Variants in DKK2 observed in about 807,000 individuals in gnomAD.
DKK2 encodes dickkopf Wnt signaling pathway inhibitor 2.
In DKK2, 11 loss-of-function variants were observed where a neutral mutation model predicts 28.1. The observed-to-expected ratio is 0.39, with a 90% CI of 0.25 to 0.65. DKK2 has a LOEUF of 0.65. Among genes scored for constraint, DKK2 ranks in the 30% least tolerant of loss-of-function variants. DKK2 has a pLI of 0.47. For synonymous variants in DKK2, 135 were observed against 126.5 expected (o/e 1.07, Z -0.45); for missense variants, 326 against 335.5 (o/e 0.97, Z 0.22).
At chr4:106,984,215 CTT>C (rs1723084023) in intron 1 of DKK2, among the ~76,000 whole-genome samples, 1 of 152,152 alleles carries the variant, frequency 6.6e-6, no homozygotes, top group African/African-American at 2.4e-5. Context: ...AATGTATCAT[CTT>C]AACCATTTTT....
At chr4:106,969,961 T>G (rs1018285663) in intron 1 of DKK2, among the ~76,000 whole-genome samples, 22 of 152,074 alleles carry the variant, frequency 1.4e-4, no homozygotes, top group African/African-American at 5.1e-4. Context: ...ATATACAGTT[T>G]CAGGGATATT....
At position 106,955,639 on chromosome 4, in the gene DKK2, A is replaced by G. The variant is rs578137385; in HGVS notation, c.223-29690T>C. On this transcript the variant is annotated intron_variant, in intron 1 of 3. Coordinates refer to ENST00000285311, the MANE Select transcript of DKK2 (RefSeq NM_014421.3). ...TTTTCTAGTAAGGATCAACAAATACATGATAGGTCATGGAAACCTTTGGCA... is the reference window on the plus strand; with the variant it reads ...TTTTCTAGTAAGGATCAACAAATACGTGATAGGTCATGGAAACCTTTGGCA... Among the ~76,000 whole-genome samples the G allele has an allele frequency of 6.6e-5, 10 of 152,330 alleles. No individual in the cohort carries two copies. The East Asian group carries it at 1.5e-3, about 23-fold the overall frequency.
chr4:106,940,842 A>C (rs182568517), intron 1 of DKK2, among the ~76,000 whole-genome samples: 9 of 152,328 alleles, frequency 5.9e-5, no homozygotes, highest in African/African-American at 2.2e-4. Flanking sequence ...CATCATTGTC[A>C]GTAAACTATC....
intron 1 of DKK2, among the ~76,000 whole-genome samples, chr4:106,957,427 C>T (rs573924875): frequency 5.4e-4 from 82 of 152,188 alleles, no homozygotes; most frequent in African/African-American, 1.8e-3. Flanking sequence ...GATTATAAAT[C>T]ATGCTGCTGT....
chr4:107,013,006 C>A (rs1723537467), intron 1 of DKK2, among the ~76,000 whole-genome samples: 1 of 150,964 alleles, frequency 6.6e-6, no homozygotes, highest in South Asian at 2.1e-4. Flanking sequence ...AGTGAACCCA[C>A]CATCCAACCC....
At chr4:107,034,280 T>A (rs1365327399) in intron 1 of DKK2, among the ~76,000 whole-genome samples, 1 of 151,678 alleles carries the variant, frequency 6.6e-6, no homozygotes, top group East Asian at 2.0e-4. Context: ...GAAACTCGGA[T>A]CTCTGGGGCG....
chr4:106,982,458 A>C (rs1423478370), intron 1 of DKK2, among the ~76,000 whole-genome samples: 1 of 152,172 alleles, frequency 6.6e-6, no homozygotes. Context: ...CCGGGCTGCT[A>C]GTGCTGGGTA....
chr4:107,031,820 T>C (rs1024672526), intron 1 of DKK2, among the ~76,000 whole-genome samples: 6 of 151,974 alleles, frequency 3.9e-5, no homozygotes. Context: ...ATTGCAAAGC[T>C]TGATTTTTTT....
intron 1 of DKK2, among the ~76,000 whole-genome samples, chr4:107,031,953 A>C (rs1723882109): frequency 6.6e-6 from 1 of 151,946 alleles, no homozygotes; most frequent in African/African-American, 2.4e-5. Context: ...ATGATATTGA[A>C]GATTTTGTTT....
chr4:106,982,796 T>C (rs981132564), intron 1 of DKK2, among the ~76,000 whole-genome samples: 4 of 150,374 alleles, frequency 2.7e-5, no homozygotes, highest in Non-Finnish European at 4.4e-5. Flanking sequence ...TCTCAGCTAC[T>C]GAGAGGCTAA....
chr4:106,981,244 TA>T (rs1723023772), intron 1 of DKK2, among the ~76,000 whole-genome samples: 1 of 152,260 alleles, frequency 6.6e-6, no homozygotes, highest in East Asian at 1.9e-4. Flanking sequence ...AAATTAATGA[TA>T]AAAATATTAT....
intron 1 of DKK2, among the ~76,000 whole-genome samples, chr4:106,988,589 G>A (rs988028184): frequency 1.9e-4 from 29 of 152,126 alleles, no homozygotes; most frequent in Non-Finnish European, 2.9e-5. Context: ...CAAGTACAGG[G>A]TCTACCTGTA....
intron 1 of DKK2, among the ~76,000 whole-genome samples, chr4:106,985,574 GA>G (rs2110359866): frequency 6.6e-6 from 1 of 152,074 alleles, no homozygotes; most frequent in African/African-American, 2.4e-5. Context: ...TTTGGGAGGT[GA>G]AAGCAGGCAG....
chr4:107,028,339 G>A (rs890340910), intron 1 of DKK2, among the ~76,000 whole-genome samples: 5 of 143,986 alleles, frequency 3.5e-5, no homozygotes, highest in African/African-American at 1.3e-4. Flanking sequence ...TTGGAGGGGA[G>A]ATTAAGAGGC....
chr4:107,019,804 T>C (rs1723665062), intron 1 of DKK2, among the ~76,000 whole-genome samples: 1 of 152,068 alleles, frequency 6.6e-6, no homozygotes, highest in South Asian at 2.1e-4. Context: ...ACATTAAATA[T>C]CACTATAATG....
At chr4:107,015,218 TG>T (rs1167885340) in intron 1 of DKK2, among the ~76,000 whole-genome samples, 2 of 151,552 alleles carry the variant, frequency 1.3e-5, no homozygotes, top group Non-Finnish European at 3.0e-5. Context: ...CCTATACACT[TG>T]GTATTGTTAA....
chr4:107,003,116 G>T (rs368098140), intron 1 of DKK2, among the ~76,000 whole-genome samples: 2 of 152,152 alleles, frequency 1.3e-5, no homozygotes, highest in Non-Finnish European at 2.9e-5. Flanking sequence ...TGAGCTCAGG[G>T]AGAATGTTCC....
chr4:106,967,820 GAAA>G (rs879813690), intron 1 of DKK2, among the ~76,000 whole-genome samples: 5 of 149,282 alleles, frequency 3.3e-5, no homozygotes, highest in Non-Finnish European at 7.4e-5. Context: ...GAGGAAGAAA[GAAA>G]AAAAGGAAGG....
At chr4:107,030,871 TAA>T (rs894151270) in intron 1 of DKK2, among the ~76,000 whole-genome samples, 15 of 152,110 alleles carry the variant, frequency 9.9e-5, no homozygotes, top group African/African-American at 3.6e-4. Flanking sequence ...TACCTAATCT[TAA>T]AATTATAAGT....
Sources: gnomAD v4.1 joint callset for allele counts (sites outside exome capture counted in the v4.1 genomes callset) on GRCh38, gnomAD v4.1.1 for gene constraint, MANE v1.5 for transcripts, NCBI Gene and HGNC (gene_info 2026-07-23, HGNC 2026-07-21) for gene names.